The following MANBA variants were observed in gnomAD, a reference collection of about 807,000 sequenced individuals.
MANBA encodes mannosidase beta, also known as beta-mannosidase.
MANBA carries 83 observed loss-of-function variants against 111.1 expected under a neutral mutation model. The ratio of observed to expected loss-of-function variants is 0.75; its 90% CI spans 0.63 to 0.90. The LOEUF (loss-of-function observed/expected upper bound fraction) is 0.90. Among genes scored for constraint, MANBA ranks in the 40% least tolerant of loss-of-function variants. The pLI is 0.00. For missense variants in MANBA, 1,036 were observed against 1,069.0 expected, an observed-to-expected ratio of 0.97 and a Z score of 0.43; for synonymous variants, 370 against 378.7, an observed-to-expected ratio of 0.98 and a Z score of 0.27.
rs62327229 is a variant in MANBA, at chr4:102,737,605, C to T, written c.178-10922G>A. Among the ~76,000 whole-genome samples the T allele has an allele frequency of 3.3e-5, 5 of 152,262 alleles. No homozygotes were observed. The South Asian group carries it at 8.3e-4, about 25-fold the overall frequency. Reference sequence around the variant, plus strand: ...TCACACCATTCTCCTGCCTCAGCCTCCTGAGTAGCTGGGACCACAGGCGCC... The same window carrying T: ...TCACACCATTCTCCTGCCTCAGCCTTCTGAGTAGCTGGGACCACAGGCGCC... On this transcript the variant is annotated intron_variant, in intron 1 of 16. Transcript: ENST00000647097.
chr4:102,734,302 T>A, intron 1 of MANBA: 1 of 1,526,632 alleles, frequency 6.6e-7, no homozygotes, highest in Non-Finnish European at 8.9e-7. Context: ...AGCGTGAGAG[T>A]TGGCTCTGAA....
intron 5 of MANBA, among the ~76,000 whole-genome samples, chr4:102,698,946 G>A (rs1578914056): frequency 2.6e-5 from 4 of 152,128 alleles, no homozygotes; most frequent in African/African-American, 9.7e-5. Flanking sequence ...ATTACCTTGG[G>A]CAGTATGGCC....
At chr4:102,659,862 C>T (rs943688863) in intron 11 of MANBA, among the ~76,000 whole-genome samples, 1 of 152,118 alleles carries the variant, frequency 6.6e-6, no homozygotes, top group Non-Finnish European at 1.5e-5. Flanking sequence ...GTTCACAATT[C>T]TTCCACATTC....
At chr4:102,721,778 G>A (rs1016991656) in intron 4 of MANBA, among the ~76,000 whole-genome samples, 8 of 152,078 alleles carry the variant, frequency 5.3e-5, no homozygotes, top group East Asian at 1.9e-4. Context: ...CTGTAATCCC[G>A]GCACTTTGGG....
At chr4:102,702,198 T>C (rs28825430) in intron 5 of MANBA, among the ~76,000 whole-genome samples, 1,897 of 148,196 alleles carry the variant, frequency 0.013, 26 homozygotes, top group African/African-American at 0.038. Flanking sequence ...CGAGCCTTGG[T>C]TTTCAGCTCC....
chr4:102,632,348 T>G, intron 16 of MANBA, 67 bp from the exon 17 acceptor site: 1 of 1,248,098 alleles, frequency 8.0e-7, no homozygotes, highest in Non-Finnish European at 1.2e-6. Flanking sequence ...CTGTATACAG[T>G]TCCTGTAAAC....
At chr4:102,756,588 C>T (rs1357982217) in intron 1 of MANBA, among the ~76,000 whole-genome samples, 1 of 151,630 alleles carries the variant, frequency 6.6e-6, no homozygotes, top group Non-Finnish European at 1.5e-5. Context: ...TGTAACAAAC[C>T]TGCACGTTGT....
chr4:102,669,888 G>A (rs1358869542), intron 9 of MANBA, among the ~76,000 whole-genome samples: 1 of 152,110 alleles, frequency 6.6e-6, no homozygotes, highest in East Asian at 1.9e-4. Context: ...GCTGAGGCAG[G>A]AGAATGGCGT....
At chr4:102,709,398 GAAAAA>G (rs760906813) in intron 5 of MANBA, among the ~76,000 whole-genome samples, 993 of 93,992 alleles carry the variant, frequency 0.011, 23 homozygotes, top group African/African-American at 0.03. Context: ...AAGAAAGAAA[GAAAAA>G]AAAGAAAGAA....
intron 1 of MANBA, among the ~76,000 whole-genome samples, chr4:102,735,123 G>A (rs1249890680): frequency 6.6e-6 from 1 of 152,186 alleles, no homozygotes; most frequent in African/African-American, 2.4e-5. Context: ...TGCAATGTTA[G>A]TGATCCCACT....
At chr4:102,661,978 T>C (rs1339912121) in intron 11 of MANBA, among the ~76,000 whole-genome samples, 1 of 152,220 alleles carries the variant, frequency 6.6e-6, no homozygotes, top group Non-Finnish European at 1.5e-5. Flanking sequence ...AGTGGTTATG[T>C]AGCTTTTAAT....
intron 15 of MANBA, 133 bp downstream of exon 15, chr4:102,635,732 G>T (rs186253466): frequency 1.3e-5 from 12 of 899,662 alleles, no homozygotes; most frequent in Non-Finnish European, 5.2e-6. Flanking sequence ...TAATGGCAGG[G>T]TTGTAGCCTG....
chr4:102,744,045 C>T (rs1450866796), intron 1 of MANBA, among the ~76,000 whole-genome samples: 1 of 152,200 alleles, frequency 6.6e-6, no homozygotes, highest in Non-Finnish European at 1.5e-5. Flanking sequence ...GTTGCAGAAC[C>T]TTCTCCTGTT....
intron 1 of MANBA, among the ~76,000 whole-genome samples, chr4:102,737,413 G>C (rs1367533319): frequency 6.6e-6 from 1 of 152,082 alleles, no homozygotes; most frequent in African/African-American, 2.4e-5. Context: ...CTGTTGGGGG[G>C]GCACAGTAGG....
intron 5 of MANBA, among the ~76,000 whole-genome samples, chr4:102,700,654 T>C (rs1237641241): frequency 6.6e-6 from 1 of 152,242 alleles, no homozygotes; most frequent in Middle Eastern, 3.2e-3. Flanking sequence ...TCAGTTTCCA[T>C]GTAGTTGAGC....
intron 5 of MANBA, among the ~76,000 whole-genome samples, chr4:102,713,278 A>C (rs945290930): frequency 2.0e-5 from 3 of 152,182 alleles, no homozygotes; most frequent in Non-Finnish European, 4.4e-5. Context: ...GCACGCTCTC[A>C]TTTAAGATCT....
At chr4:102,727,895 CT>C in intron 1 of MANBA, 1 of 524,576 alleles carries the variant, frequency 1.9e-6, no homozygotes. Flanking sequence ...ATTTATGAGG[CT>C]TTTCACTGCA....
intron 1 of MANBA, among the ~76,000 whole-genome samples, chr4:102,733,282 A>G (rs223496): frequency 0.37 from 56,700 of 151,854 alleles, 12,934 homozygotes; most frequent in African/African-American, 0.65. Flanking sequence ...AGGTAGATCC[A>G]CAAACAGGGC....
At chr4:102,736,535 C>T (rs769741481) in intron 1 of MANBA, among the ~76,000 whole-genome samples, 2 of 152,100 alleles carry the variant, frequency 1.3e-5, no homozygotes, top group Non-Finnish European at 2.9e-5. Flanking sequence ...ACAATTACTT[C>T]GAATAGAATT....
Sources: gnomAD v4.1 joint callset for allele counts (sites outside exome capture counted in the v4.1 genomes callset) on GRCh38, gnomAD v4.1.1 for gene constraint, MANE v1.5 for transcripts, NCBI Gene and HGNC (gene_info 2026-07-23, HGNC 2026-07-21) for gene names.